Variants in STAC observed in about 807,000 individuals in gnomAD.
The protein encoded by STAC is SH3 and cysteine rich domain.
Under a neutral mutation model 48.8 loss-of-function variants are expected in STAC, and 43 were observed. That is an observed-to-expected ratio of 0.88 (90% CI 0.69 to 1.14). The LOEUF (loss-of-function observed/expected upper bound fraction) is 1.14. Among genes scored for constraint, STAC ranks in the 50% most tolerant of loss-of-function variants. The pLI is 0.00. For missense variants in STAC, 497 were observed against 504.0 expected (o/e 0.99, Z 0.13); for synonymous variants, 193 against 179.5 (o/e 1.07, Z -0.60).
chr3:36,437,802 TA>T (rs1696190884), intron 1 of STAC, among the ~76,000 whole-genome samples: 1 of 148,742 alleles, frequency 6.7e-6, no homozygotes, highest in Non-Finnish European at 1.5e-5. Context: ...AAAATAAAAA[TA>T]AAAAAACTCA....
intron 1 of STAC, among the ~76,000 whole-genome samples, chr3:36,390,968 A>G (rs142079559): frequency 6.4e-4 from 98 of 152,242 alleles, no homozygotes; most frequent in African/African-American, 2.3e-3. Context: ...TTTTACTTAA[A>G]TCTTCATAAG....
chr3:36,485,950 G>A (rs1697798448), intron 4 of STAC, 184 bp from the exon 5 acceptor site: 1 of 562,918 alleles, frequency 1.8e-6, no homozygotes, highest in South Asian at 2.2e-5. Flanking sequence ...CTGCAAATGG[G>A]AGCATGCTGG....
chr3:36,440,548 T>C (rs1469543505), intron 1 of STAC, among the ~76,000 whole-genome samples: 2 of 152,218 alleles, frequency 1.3e-5, no homozygotes, highest in Admixed American at 6.5e-5. Context: ...GACAGAAGTA[T>C]GCAAGGCCTC....
At chr3:36,468,864 G>T (rs1044498547) in intron 2 of STAC, among the ~76,000 whole-genome samples, 10 of 151,278 alleles carry the variant, frequency 6.6e-5, no homozygotes, top group Admixed American at 6.6e-4. Context: ...TTTTTTAACT[G>T]CATTTGCTTT....
chr3:36,396,175 A>T (rs1699854577), intron 1 of STAC, among the ~76,000 whole-genome samples: 1 of 152,120 alleles, frequency 6.6e-6, no homozygotes, highest in Non-Finnish European at 1.5e-5. Flanking sequence ...TTCTTTTTTT[A>T]TATTTTGTTT....
intron 1 of STAC, among the ~76,000 whole-genome samples, chr3:36,398,500 GA>G (rs1293184188): frequency 6.8e-5 from 6 of 88,656 alleles, no homozygotes; most frequent in African/African-American, 2.1e-4. Flanking sequence ...AGGAAGGAGG[GA>G]AGGAAGAGAA....
At chr3:36,494,722 CTG>C (rs1467793905) in intron 6 of STAC, among the ~76,000 whole-genome samples, 1 of 152,198 alleles carries the variant, frequency 6.6e-6, no homozygotes, top group Non-Finnish European at 1.5e-5. Flanking sequence ...ATGAGGGAAA[CTG>C]TACTTTTAGA....
intron 2 of STAC, among the ~76,000 whole-genome samples, chr3:36,462,295 G>A (rs1440452245): frequency 6.6e-6 from 1 of 150,432 alleles, no homozygotes; most frequent in African/African-American, 2.5e-5. Flanking sequence ...ATGCATTGGG[G>A]GAAAATTCAG....
chr3:36,486,144 T>A lies in STAC; in HGVS notation c.582T>A (p.Asn194Lys), dbSNP rs1377913733. 1 of 1,612,850 alleles carries A rather than the reference T, an allele frequency of 6.2e-7. No individual in the cohort carries two copies. Among genetic ancestry groups the A allele is most frequent in the Admixed American group, 1.7e-5 (1 of 59,828 alleles). ...TCTCTTCTGTTGCAGCCTGTGGCAA[T>A]AAGGTGGACCCTGTCTACGAGACCC... ...IKEVMPIACG[N>K]KVDPVYETLR... Residue 194 changes from asparagine (N) to lysine (K), a missense_variant, in exon 5 of 11, where the codon AAT (asparagine) becomes AAA (lysine). Physicochemically the swap from Asn to Lys is moderately conservative, Grantham distance 94. Coordinates refer to ENST00000273183, the MANE Select transcript of STAC (RefSeq NM_003149.3).
chr3:36,459,581 A>G (rs1299124770), intron 2 of STAC, among the ~76,000 whole-genome samples: 1 of 152,250 alleles, frequency 6.6e-6, no homozygotes, highest in Non-Finnish European at 1.5e-5. Context: ...CTCTCTTTTA[A>G]TGAACTCCTC....
chr3:36,382,316 G>A (rs1218338832), intron 1 of STAC, among the ~76,000 whole-genome samples: 1 of 152,206 alleles, frequency 6.6e-6, no homozygotes, highest in Non-Finnish European at 1.5e-5. Context: ...TGCAGTAGGC[G>A]TGTTCTGGAA....
At chr3:36,538,379 T>C (rs985635987) in intron 10 of STAC, among the ~76,000 whole-genome samples, 2 of 152,196 alleles carry the variant, frequency 1.3e-5, no homozygotes, top group Non-Finnish European at 2.9e-5. Context: ...TGCCAATCCT[T>C]AGTCTAGATG....
chr3:36,478,494 T>C (rs958152711), intron 2 of STAC, among the ~76,000 whole-genome samples: 1 of 152,170 alleles, frequency 6.6e-6, no homozygotes, highest in African/African-American at 2.4e-5. Context: ...CTTTTATTTA[T>C]TTATTTACTT....
chr3:36,461,770 C>G (rs951764212), intron 2 of STAC, among the ~76,000 whole-genome samples: 3 of 152,102 alleles, frequency 2.0e-5, no homozygotes, highest in Non-Finnish European at 2.9e-5. Flanking sequence ...AACCTCAAAG[C>G]AGAGCATACT....
chr3:36,515,975 C>CTTTTT (rs1203330014), intron 8 of STAC, among the ~76,000 whole-genome samples: 6 of 61,444 alleles, frequency 9.8e-5, no homozygotes, highest in East Asian at 5.7e-4. Flanking sequence ...CATTTTTCTC[C>CTTTTT]TTTTTTTTTT....
intron 1 of STAC, among the ~76,000 whole-genome samples, chr3:36,396,168 T>C (rs1357264879): frequency 6.6e-6 from 1 of 152,150 alleles, no homozygotes; most frequent in Non-Finnish European, 1.5e-5. Context: ...TATTGATTTC[T>C]TTTTTTATAT....
chr3:36,435,157 G>A lies in STAC; in HGVS notation c.112-8207G>A, dbSNP rs368259065. On this transcript the variant is annotated intron_variant, in intron 1 of 10. Coordinates refer to ENST00000273183, the MANE Select transcript of STAC (RefSeq NM_003149.3). Reference sequence around the variant, plus strand: ...CTGAGCTACCTTCCCATCCTACCACGGTACATTACTCTAGTCCATTCACCC... The same window carrying A: ...CTGAGCTACCTTCCCATCCTACCACAGTACATTACTCTAGTCCATTCACCC... Among the ~76,000 whole-genome samples, 6 of 151,924 alleles carry A rather than the reference G, an allele frequency of 3.9e-5. No homozygotes were observed. The East Asian group carries it at 1.2e-3, about 29-fold the overall frequency.
At position 36,540,899 on chromosome 3, in the gene STAC, A is replaced by G. The variant is rs75920017; in HGVS notation, c.1111-5292A>G. On this transcript the variant is annotated intron_variant, in intron 10 of 10. Coordinates refer to ENST00000273183, the MANE Select transcript of STAC (RefSeq NM_003149.3). ...TTTGTGGTGATTTGTTACAACAGTA[A>G]TAGCAAATGAATAAACATCTCAAGT... Among the ~76,000 whole-genome samples the G allele has an allele frequency of 8.4e-3, 1,273 of 152,314 alleles. 16 individuals are homozygous for G. The highest frequency in any genetic ancestry group is 0.014 in the Non-Finnish European group (976 of 68,028).
chr3:36,467,158 A>C (rs1237910761), intron 2 of STAC, among the ~76,000 whole-genome samples: 1 of 152,022 alleles, frequency 6.6e-6, no homozygotes, highest in African/African-American at 2.4e-5. Flanking sequence ...ATTGACTTAC[A>C]TATGTTAAAC....
Sources: gnomAD v4.1 joint callset for allele counts (sites outside exome capture counted in the v4.1 genomes callset) on GRCh38, gnomAD v4.1.1 for gene constraint, MANE v1.5 for transcripts, NCBI Gene and HGNC (gene_info 2026-07-23, HGNC 2026-07-21) for gene names.